Variants in ETFA observed in about 807,000 individuals in gnomAD.
ETFA encodes electron transfer flavoprotein subunit alpha, mitochondrial.
A neutral mutation model predicts 46.2 loss-of-function variants in ETFA; 22 were observed. The observed-to-expected ratio is 0.48, with a 90% CI of 0.34 to 0.68. The LOEUF is 0.68. Ranked by LOEUF, ETFA falls within the 30% of genes least tolerant of loss-of-function variation. The pLI, the probability that ETFA is intolerant of heterozygous loss-of-function variation, is 0.01. For missense variants in ETFA, 345 were observed against 401.1 expected (o/e 0.86, Z 1.19); for synonymous variants, 131 against 139.9 (o/e 0.94, Z 0.45).
chr15:76,283,881 C>T lies in ETFA; in HGVS notation c.665-56G>A, dbSNP rs2039679848. ...GGCAAACATCAAATACATTCTGGAA[C>T]AATTTTGCTATTTTATATACTGGAG... On this transcript the variant is annotated intron_variant, in intron 7 of 11. Coordinates refer to ENST00000557943, the MANE Select transcript of ETFA (RefSeq NM_000126.4). 5 of 1,313,116 alleles carry T rather than the reference C, an allele frequency of 3.8e-6. No individual in the cohort carries two copies. The African/African-American group carries it at 4.4e-5, about 11-fold the overall frequency. The allele number at this position is 1,313,116 out of a possible 1,614,324, so 81.3% of individuals were successfully genotyped here. A position where few individuals can be genotyped will look rare whatever the true frequency, so the allele number is the denominator to read the frequency against.
At chr15:76,270,691 T>A (rs917551857) in intron 9 of ETFA, among the ~76,000 whole-genome samples, 1 of 152,144 alleles carries the variant, frequency 6.6e-6, no homozygotes, top group Non-Finnish European at 1.5e-5. Flanking sequence ...TGGAACATCT[T>A]GTCTTGTCAG....
At chr15:76,281,920 T>TC (rs1270493329) in intron 8 of ETFA, among the ~76,000 whole-genome samples, 12 of 148,056 alleles carry the variant, frequency 8.1e-5, no homozygotes, top group African/African-American at 2.0e-4. Flanking sequence ...TTTTTTTTTT[T>TC]CCAGACGGCA....
chr15:76,261,806 T>G, intron 9 of ETFA: 1 of 178,704 alleles, frequency 5.6e-6, no homozygotes, highest in Non-Finnish European at 1.2e-5. Context: ...CATAACTCAG[T>G]AAACCATTAT....
chr15:76,265,212 T>G (rs2456076), intron 9 of ETFA, among the ~76,000 whole-genome samples: 78,796 of 151,986 alleles, frequency 0.52, 20,854 homozygotes, highest in East Asian at 0.63. Context: ...TACTTGGAAG[T>G]TCTAGTCTAA....
intron 9 of ETFA, among the ~76,000 whole-genome samples, chr15:76,254,390 C>G (rs114031114): frequency 0.012 from 1,797 of 152,262 alleles, 39 homozygotes; most frequent in African/African-American, 0.042. Context: ...GAGATTGAGT[C>G]TGGAATTTGA....
chr15:76,295,651 A>G lies in ETFA; in HGVS notation c.126T>C (p.Thr42=). The G allele has an allele frequency of 6.2e-7, 1 of 1,613,764 alleles. No homozygotes were observed. ...SLAPITLNTI[T]AATRLGGEVS... is the part of the protein sequence containing the mutation. ...CTTCACCTCCAAGGCGTGTGGCTGC[A>G]GTAATGGTATTTAAAGTAATGGGTG... Residue 42 remains threonine, a synonymous_variant, in exon 2 of 12, where the codon ACT becomes ACC. Transcript: ENST00000557943.
At chr15:76,280,174 C>A (rs1796070392) in intron 8 of ETFA, among the ~76,000 whole-genome samples, 1 of 152,166 alleles carries the variant, frequency 6.6e-6, no homozygotes, top group Non-Finnish European at 1.5e-5. Flanking sequence ...CTAGCCCAAA[C>A]TTCTCCATGG....
At chr15:76,286,918 T>G (rs1205111434) in intron 5 of ETFA, among the ~76,000 whole-genome samples, 1 of 152,228 alleles carries the variant, frequency 6.6e-6, no homozygotes, top group East Asian at 1.9e-4. Context: ...CAGGTATGAA[T>G]GTGCTAAGAT....
At chr15:76,259,288 C>A in intron 9 of ETFA, 1 of 1,578,146 alleles carries the variant, frequency 6.3e-7, no homozygotes, top group African/African-American at 1.3e-5. Flanking sequence ...GACAGCTGGC[C>A]CAGAATGTTC....
chr15:76,307,917 C>A (rs1298315400), intron 1 of ETFA, among the ~76,000 whole-genome samples: 1 of 152,062 alleles, frequency 6.6e-6, no homozygotes, highest in African/African-American at 2.4e-5. Context: ...TTCCTAAATG[C>A]ATTAATGGTT....
chr15:76,240,623 T>C (rs2039176011), intron 9 of ETFA, among the ~76,000 whole-genome samples: 1 of 152,140 alleles, frequency 6.6e-6, no homozygotes, highest in Admixed American at 6.5e-5. Context: ...AAAATTTAAA[T>C]GTAAATCAGA....
chr15:76,299,873 C>G (rs1414818675), intron 1 of ETFA, among the ~76,000 whole-genome samples: 1 of 152,158 alleles, frequency 6.6e-6, no homozygotes, highest in Non-Finnish European at 1.5e-5. Flanking sequence ...ATGTCTCCAG[C>G]TTCTCCCTTT....
chr15:76,302,534 G>GT (rs2039890013), intron 1 of ETFA, among the ~76,000 whole-genome samples: 1 of 142,018 alleles, frequency 7.0e-6, no homozygotes, highest in South Asian at 2.2e-4. Flanking sequence ...TTGTTGTTTT[G>GT]TTTTTTCCAG....
At chr15:76,265,373 GC>G (rs1440813849) in intron 9 of ETFA, among the ~76,000 whole-genome samples, 18 of 152,186 alleles carry the variant, frequency 1.2e-4, no homozygotes, top group African/African-American at 4.3e-4. Flanking sequence ...AAACTAGGAA[GC>G]AGCACAGTGA....
At chr15:76,282,345 A>G (rs1274322802) in intron 8 of ETFA, among the ~76,000 whole-genome samples, 1 of 152,210 alleles carries the variant, frequency 6.6e-6, no homozygotes, top group Non-Finnish European at 1.5e-5. Context: ...GAAGAGGAAA[A>G]TAACAGATTA....
intron 9 of ETFA, among the ~76,000 whole-genome samples, chr15:76,253,754 C>A (rs1433115538): frequency 2.6e-5 from 4 of 152,132 alleles, no homozygotes; most frequent in African/African-American, 4.8e-5. Context: ...TTCTTGCCAA[C>A]AGTAGGATAT....
intron 8 of ETFA, among the ~76,000 whole-genome samples, chr15:76,280,793 G>A (rs943749980): frequency 9.2e-5 from 14 of 151,934 alleles, no homozygotes; most frequent in African/African-American, 3.4e-4. Context: ...CGTCAAATAG[G>A]CCAGATGTGT....
At chr15:76,234,635 T>A (rs1452572931) in intron 9 of ETFA, among the ~76,000 whole-genome samples, 1 of 152,150 alleles carries the variant, frequency 6.6e-6, no homozygotes, top group Non-Finnish European at 1.5e-5. Context: ...GAGATAGGCC[T>A]CGTGGCTTTA....
intron 9 of ETFA, among the ~76,000 whole-genome samples, chr15:76,249,536 G>C (rs1184138606): frequency 1.3e-5 from 2 of 149,442 alleles, no homozygotes; most frequent in African/African-American, 5.0e-5. Context: ...CCGCCTCCCG[G>C]GTTCATGCCA....
Sources: gnomAD v4.1 joint callset for allele counts (sites outside exome capture counted in the v4.1 genomes callset) on GRCh38, gnomAD v4.1.1 for gene constraint, MANE v1.5 for transcripts, NCBI Gene and HGNC (gene_info 2026-07-23, HGNC 2026-07-21) for gene names.